The following SYT7 variants were observed in gnomAD, a reference collection of about 807,000 sequenced individuals.
SYT7 encodes the protein synaptotagmin-7.
Under a neutral mutation model 75.1 loss-of-function variants are expected in SYT7, and 29 were observed. That is an observed-to-expected ratio of 0.39 (90% confidence interval 0.29 to 0.53). The LOEUF (loss-of-function observed/expected upper bound fraction) is 0.53, where lower values mean the gene tolerates loss of function less well. SYT7 is among the 20% of genes least tolerant of loss of function. The probability of loss-of-function intolerance (pLI) is 0.77; values close to 1 mark genes in which losing one functional copy is unlikely to be tolerated. For synonymous variants in SYT7, 376 were observed against 401.7 expected (o/e 0.94, Z 0.76); for missense variants, 693 against 953.2 (o/e 0.73, Z 3.59).
chr11:61,541,366 A>C, intron 6 of SYT7: 2 of 880,588 alleles, frequency 2.3e-6, no homozygotes, highest in Non-Finnish European at 2.7e-6. Context: ...GACCTGTCTT[A>C]GGCTCTGAGA....
chr11:61,580,550 G>T lies in SYT7; in HGVS notation c.31+240C>A, dbSNP rs894924536. Among the ~76,000 whole-genome samples, 2 of 152,148 alleles carry T rather than the reference G, an allele frequency of 1.3e-5. No homozygotes were observed. Among genetic ancestry groups the T allele is most frequent in the African/African-American group, 4.8e-5 (2 of 41,450 alleles). On this transcript the variant is annotated intron_variant, in intron 1 of 12. Coordinates refer to ENST00000539008, the MANE Select transcript of SYT7 (RefSeq NM_001365809.2). The surrounding 1 kb of genome is among the most constrained non-coding windows in gnomAD (Gnocchi z 6.1). ...GTTGAGGGGTGGGGGAGAGGTCCTT[G>T]TGGGGACACTGCGAAGCCGGTCCCA...
Position 61,556,872 on chromosome 11 carries a change from C to T in SYT7, c.32-665G>A, listed in dbSNP as rs150518325. ...CCCACTGGCCTCTGCACATTCCTATCCCCCAAGCTCACCCCCACCACACCA... is the reference window on the plus strand; with the variant it reads ...CCCACTGGCCTCTGCACATTCCTATTCCCCAAGCTCACCCCCACCACACCA... On this transcript the variant is annotated intron_variant, in intron 1 of 12. Coordinates refer to ENST00000539008, the MANE Select transcript of SYT7 (RefSeq NM_001365809.2). Among the ~76,000 whole-genome samples the T allele has an allele frequency of 2.0e-5, 3 of 151,112 alleles. No individual in the cohort carries two copies. The East Asian group carries it at 5.8e-4, about 29-fold the overall frequency.
chr11:61,575,048 A>C (rs950270809), intron 1 of SYT7, among the ~76,000 whole-genome samples: 2 of 151,746 alleles, frequency 1.3e-5, no homozygotes, highest in African/African-American at 4.8e-5. Context: ...ACAGGTAGGC[A>C]CCGTTCCTCT....
In SYT7 at chr11:61,533,030, C is replaced by A; in HGVS notation, c.1159G>T (p.Val387Phe). Residue 387 changes from valine to phenylalanine, a missense_variant, in exon 8 of 13, where the codon GTC (valine) becomes TTC (phenylalanine). Transcript: ENST00000539008. ...SDRRTEPRSS[V>F]SDLVNSLTSE... ...GTGAGGGAGTTGACGAGGTCTGAGA[C>A]GGAGGAACGTGGCTCGGTCCGGCGG... 6.2e-7 allele frequency: 1 copy of A among 1,613,724 alleles called. No homozygotes were observed. Among genetic ancestry groups the A allele is most frequent in the Non-Finnish European group, 8.5e-7 (1 of 1,180,016 alleles).
intron 1 of SYT7, 37 bp from the exon 2 acceptor site, chr11:61,556,244 C>T: frequency 1.9e-6 from 3 of 1,558,968 alleles, no homozygotes; most frequent in East Asian, 2.3e-5. Context: ...CCTCATTGGC[C>T]AGGGCCTGCC....
chr11:61,547,949 C>T (rs746236574), intron 3 of SYT7, among the ~76,000 whole-genome samples: 1 of 152,238 alleles, frequency 6.6e-6, no homozygotes, highest in Non-Finnish European at 1.5e-5. Flanking sequence ...GGCCCAGCCC[C>T]TTGCCCATCT....
intron 1 of SYT7, among the ~76,000 whole-genome samples, chr11:61,568,276 A>G (rs555616882): frequency 4.6e-5 from 7 of 152,154 alleles, no homozygotes; most frequent in African/African-American, 1.7e-4. Flanking sequence ...GGTTGTAGAG[A>G]TTCTCCCCCT....
At chr11:61,520,668 C>A (rs1036267993) in intron 12 of SYT7, among the ~76,000 whole-genome samples, 23 of 152,144 alleles carry the variant, frequency 1.5e-4, no homozygotes, top group African/African-American at 4.8e-4. Flanking sequence ...ACTAAAAATA[C>A]AAAAATTATC....
upstream of SYT7, among the ~76,000 whole-genome samples, chr11:61,581,639 T>C (rs759791444): frequency 3.9e-5 from 6 of 152,254 alleles, no homozygotes; most frequent in African/African-American, 1.4e-4. Flanking sequence ...CCGGTCTTTC[T>C]GCAAGCTCGC....
intron 1 of SYT7, among the ~76,000 whole-genome samples, chr11:61,571,495 C>T (rs1202718737): frequency 2.0e-5 from 3 of 152,246 alleles, no homozygotes; most frequent in Admixed American, 6.5e-5. Context: ...CAGCACACAG[C>T]CATGTGGCAG....
chr11:61,538,184 G>A lies in SYT7; in HGVS notation c.1024C>T (p.Pro342Ser), dbSNP rs1029376632. Residue 342 changes from proline (P) to serine (S), a missense_variant, in exon 7 of 13, where the codon CCA (proline) becomes TCA (serine). Physicochemically the swap from Pro to Ser is moderately conservative, Grantham distance 74 (BLOSUM62 -1). This residue lies in a region of SYT7 where 487 missense variants were observed against 593.2 expected (regional missense o/e 0.82). Coordinates refer to ENST00000539008, the MANE Select transcript of SYT7 (RefSeq NM_001365809.2). ...GCGTTCTGGTTCTGCTGGGTTCCTG[G>A]GTTTTGCAGGTCAGGGATATTGGCA... ...DFANIPDLQN[P>S]GTQQNQNAQG... is the part of the protein sequence containing the mutation. The A allele has an allele frequency of 1.2e-5, 18 of 1,535,918 alleles. No individual in the cohort carries two copies. In the African/African-American group the frequency reaches 2.3e-4, roughly 20 times the overall value.
chr11:61,524,618 G>T lies in SYT7; in HGVS notation c.1472-86C>A. On this transcript the variant is annotated intron_variant, in intron 9 of 12. Coordinates refer to ENST00000539008, the MANE Select transcript of SYT7 (RefSeq NM_001365809.2). This position sits in a 1 kb window ranked among gnomAD's most constrained non-coding sequence, Gnocchi z 4.1. ...GGCAAGGAAGGCCCTGGGAAGAGGAGGCAGGCCCTGTGCCCTCCCGCTGCC... is the reference window on the plus strand; with the variant it reads ...GGCAAGGAAGGCCCTGGGAAGAGGATGCAGGCCCTGTGCCCTCCCGCTGCC... The T allele has an allele frequency of 7.2e-7, 1 of 1,397,890 alleles. No homozygotes were observed. Among genetic ancestry groups the T allele is most frequent in the Non-Finnish European group, 9.6e-7 (1 of 1,036,500 alleles). 86.6% of individuals were successfully genotyped at this position (1,397,890 alleles called of 1,614,324 possible). A position where few individuals can be genotyped will look rare whatever the true frequency, so the allele number is the denominator to read the frequency against.
intron 6 of SYT7, chr11:61,540,222 A>C (rs1344331614): frequency 6.6e-6 from 1 of 151,934 alleles, no homozygotes; most frequent in Non-Finnish European, 1.5e-5. Flanking sequence ...ACGACCATCA[A>C]GCAGAGGGCT....
At chr11:61,535,330 T>C (rs891041289) in intron 7 of SYT7, among the ~76,000 whole-genome samples, 2 of 151,862 alleles carry the variant, frequency 1.3e-5, no homozygotes, top group African/African-American at 4.8e-5. Context: ...CAGAGGAACA[T>C]GGTGGCTTCA....
chr11:61,579,554 C>T (rs1318803923), intron 1 of SYT7, among the ~76,000 whole-genome samples: 1 of 152,058 alleles, frequency 6.6e-6, no homozygotes, highest in Admixed American at 6.5e-5. Flanking sequence ...GAGCCGATTC[C>T]TCAGGAGGCA....
intron 1 of SYT7, among the ~76,000 whole-genome samples, chr11:61,579,438 A>G (rs903825603): frequency 6.6e-6 from 1 of 152,180 alleles, no homozygotes; most frequent in African/African-American, 2.4e-5. Flanking sequence ...AGAGAAGGAG[A>G]CTGAATCTCT....
chr11:61,536,382 C>T lies in SYT7; in HGVS notation c.1064+1762G>A, dbSNP rs1224229750. Among the ~76,000 whole-genome samples the T allele has an allele frequency of 2.0e-5, 3 of 152,178 alleles. No homozygotes were observed. In the South Asian group the frequency reaches 6.2e-4, roughly 31 times the overall value. On this transcript the variant is annotated intron_variant, in intron 7 of 12. Transcript: ENST00000539008. ...AAATCTCGTTTCCAGCCTGCTTCTG[C>T]TCCCTCACGCTTCACACCTTTCCCA...
At chr11:61,547,671 T>G (rs1245395186) in intron 3 of SYT7, among the ~76,000 whole-genome samples, 1 of 150,316 alleles carries the variant, frequency 6.7e-6, no homozygotes, top group Non-Finnish European at 1.5e-5. Flanking sequence ...GGGAGAAGGG[T>G]TGGGGATGAG....
chr11:61,515,005 C>A lies in SYT7; in HGVS notation c.*3622G>T, dbSNP rs2062115324. 6.6e-6 allele frequency among the ~76,000 whole-genome samples: 1 copy of A among 152,184 alleles called. No homozygotes were observed. The highest frequency in any genetic ancestry group is 2.1e-4 in the South Asian group (1 of 4,836). On this transcript the variant is annotated 3_prime_UTR_variant, in exon 13 of 13. Transcript: ENST00000539008. ...GGGAACTGAGGGAGGGGACGTCAGG[C>A]TGGGTGACCCTGGAGGGCACCCCTG... is the stretch of plus-strand genomic sequence containing the variant.
Sources: gnomAD v4.1 joint callset for allele counts (sites outside exome capture counted in the v4.1 genomes callset) on GRCh38, gnomAD v4.1.1 for gene constraint, gnomAD v4.1.1 regional missense constraint, Gnocchi (gnomAD v3.1) non-coding constraint, MANE v1.5 for transcripts, NCBI Gene and HGNC (gene_info 2026-07-23, HGNC 2026-07-21) for gene names.